Variants in TMEM68 observed in about 807,000 individuals in gnomAD.
TMEM68 encodes transmembrane protein 68, also known as DGAT1/2-independent enzyme synthesizing storage lipids.
A neutral mutation model predicts 36.9 loss-of-function variants in TMEM68; 25 were observed. That is an observed-to-expected ratio of 0.68 (90% CI 0.49 to 0.95). TMEM68 has a LOEUF of 0.95. Among genes scored for constraint, TMEM68 ranks in the 40% least tolerant of loss-of-function variants. The pLI is 0.00. For missense variants in TMEM68, 333 were observed against 392.0 expected (o/e 0.85, Z 1.27); for synonymous variants, 131 against 124.4 (o/e 1.05, Z -0.35).
intron 1 of TMEM68, among the ~76,000 whole-genome samples, chr8:55,767,851 C>A (rs142225216): frequency 6.6e-6 from 1 of 152,036 alleles, no homozygotes; most frequent in African/African-American, 2.4e-5. Flanking sequence ...GCAGGAGAAT[C>A]GCTTGGACCT....
intron 3 of TMEM68, chr8:55,761,165 G>A (rs11787041): frequency 0.86 from 131,550 of 152,222 alleles, 56,979 homozygotes; most frequent in East Asian, 0.99. Context: ...GTCACTCTTA[G>A]AGCAGATGTG....
intron 5 of TMEM68, among the ~76,000 whole-genome samples, chr8:55,749,235 T>G (rs2129937361): frequency 6.6e-6 from 1 of 152,352 alleles, no homozygotes; most frequent in South Asian, 2.1e-4. Context: ...GGGTGATTTG[T>G]ATTATATCAA....
rs1183468050 is a variant in TMEM68, at chr8:55,754,704, A to G, written c.493+1540T>C. On this transcript the variant is annotated intron_variant, in intron 4 of 7. Coordinates refer to ENST00000434581, the MANE Select transcript of TMEM68 (RefSeq NM_001286657.2). ...AATATATATTATATATGAAATACAT[A>G]CTTATATATATATTATATATAAAAT... 4.7e-5 allele frequency among the ~76,000 whole-genome samples: 6 copies of G among 126,762 alleles called. 2 individuals carry two copies. The highest frequency in any genetic ancestry group is 1.8e-4 in the African/African-American group (6 of 32,792). 83.2% of individuals were successfully genotyped at this position (126,762 alleles called of 152,430 possible).
At chr8:55,770,807 T>C (rs1456771703) in intron 1 of TMEM68, among the ~76,000 whole-genome samples, 1 of 152,178 alleles carries the variant, frequency 6.6e-6, no homozygotes, top group East Asian at 1.9e-4. Context: ...GTCTAATGCA[T>C]CACATATAAA....
intron 5 of TMEM68, among the ~76,000 whole-genome samples, chr8:55,750,521 T>C (rs911255722): frequency 6.7e-6 from 1 of 148,616 alleles, no homozygotes; most frequent in African/African-American, 2.5e-5. Context: ...AAGAACAAAA[T>C]GACATTCAAA....
intron 2 of TMEM68, chr8:55,763,443 C>G (rs1810866724): frequency 6.6e-6 from 1 of 152,450 alleles, no homozygotes; most frequent in African/African-American, 2.4e-5. Flanking sequence ...GGCTGGAGTA[C>G]AGTGGCACGA....
intron 3 of TMEM68, among the ~76,000 whole-genome samples, chr8:55,759,388 T>C (rs1585725624): frequency 6.6e-6 from 1 of 151,612 alleles, no homozygotes; most frequent in East Asian, 1.9e-4. Flanking sequence ...CTGGCCAACA[T>C]GGTGAAACCC....
At chr8:55,762,476 A>G in intron 3 of TMEM68, 159 bp downstream of exon 3, 1 of 1,371,398 alleles carries the variant, frequency 7.3e-7, no homozygotes. Flanking sequence ...AGAAAGACAC[A>G]TACATATGCA....
intron 7 of TMEM68, among the ~76,000 whole-genome samples, chr8:55,742,815 T>G (rs1412822771): frequency 6.6e-6 from 1 of 150,816 alleles, no homozygotes; most frequent in African/African-American, 2.4e-5. Context: ...GTTTTTTTTT[T>G]TTTGTAGTTT....
At chr8:55,756,210 C>G in intron 4 of TMEM68, 34 bp downstream of exon 4, 3 of 1,566,938 alleles carry the variant, frequency 1.9e-6, no homozygotes, top group Non-Finnish European at 2.6e-6. Context: ...GTTAATAAAA[C>G]ATTTTTACAT....
rs116074997 is a variant in TMEM68, at chr8:55,756,181, G to A, written c.493+63C>T. On this transcript the variant is annotated intron_variant, in intron 4 of 7. Coordinates refer to ENST00000434581, the MANE Select transcript of TMEM68 (RefSeq NM_001286657.2). ...ACGTTAGAGAGCTCAGGATAGAGAC[G>A]ACCACATAACTTGGTTTTGTTAATA... 2,723 of 1,450,908 alleles carry A rather than the reference G, an allele frequency of 1.9e-3. 54 individuals carry two copies. The African/African-American group carries it at 0.035, about 19-fold the overall frequency. The allele number at this position is 1,450,908 out of a possible 1,614,324, so 89.9% of individuals were successfully genotyped here.
intron 4 of TMEM68, among the ~76,000 whole-genome samples, chr8:55,752,413 C>A (rs1810448195): frequency 6.6e-6 from 1 of 151,836 alleles, no homozygotes; most frequent in South Asian, 2.1e-4. Context: ...ATGGCAAAAC[C>A]CCATCTCTAC....
At chr8:55,752,525 T>C (rs1585715587) in intron 4 of TMEM68, among the ~76,000 whole-genome samples, 1 of 151,744 alleles carries the variant, frequency 6.6e-6, no homozygotes, top group South Asian at 2.1e-4. Context: ...GAGGCGGAGG[T>C]TGCAGTGAGC....
In TMEM68 at chr8:55,739,718, A is replaced by G. The variant is rs1258399250; in HGVS notation, c.*414T>C. The G allele has an allele frequency of 6.4e-6, 1 of 155,166 alleles. No homozygotes were observed. The highest frequency in any genetic ancestry group is 1.4e-5 in the Non-Finnish European group (1 of 70,128). The allele number at this position is 155,166 out of a possible 1,614,324, so 9.6% of individuals were successfully genotyped here. On this transcript the variant is annotated 3_prime_UTR_variant, in exon 8 of 8. Transcript: ENST00000434581. ...TCATGAAGGGAATGAGGGGCAGACA[A>G]CAGCATGTTTTTTCTAACTTAAACA...
chr8:55,752,569 C>T (rs1207970929), intron 4 of TMEM68, among the ~76,000 whole-genome samples: 1 of 152,100 alleles, frequency 6.6e-6, no homozygotes, highest in Non-Finnish European at 1.5e-5. Flanking sequence ...ACCTGGGCAA[C>T]AGAGCAAGAC....
intron 7 of TMEM68, among the ~76,000 whole-genome samples, chr8:55,741,396 G>T (rs1195903484): frequency 6.6e-6 from 1 of 152,150 alleles, no homozygotes; most frequent in Non-Finnish European, 1.5e-5. Context: ...TGTGTATTAA[G>T]TGTATCTCTA....
chr8:55,763,047 C>A lies in TMEM68; in HGVS notation c.-69-19G>T. 2 of 1,361,012 alleles carry A rather than the reference C, an allele frequency of 1.5e-6. No homozygotes were observed. The highest frequency in any genetic ancestry group is 2.0e-6 in the Non-Finnish European group (2 of 1,017,138). The allele number at this position is 1,361,012 out of a possible 1,614,324, so 84.3% of individuals were successfully genotyped here. A position where few individuals can be genotyped will look rare whatever the true frequency, so the allele number is the denominator to read the frequency against. ...TTTGACACTAGAAGGGAAAAATAAT[C>A]CAGTATTATTTTCTCCACAGCTATA... On this transcript the variant is annotated intron_variant, in intron 2 of 7. Coordinates refer to ENST00000434581, the MANE Select transcript of TMEM68 (RefSeq NM_001286657.2).
intron 5 of TMEM68, chr8:55,746,727 C>G (rs1810289932): frequency 6.6e-6 from 1 of 152,070 alleles, no homozygotes; most frequent in African/African-American, 2.4e-5. Flanking sequence ...ATACAGTGGA[C>G]TAAAGGAAAG....
chr8:55,753,731 T>C (rs1810485971), intron 4 of TMEM68, among the ~76,000 whole-genome samples: 1 of 152,226 alleles, frequency 6.6e-6, no homozygotes, highest in Non-Finnish European at 1.5e-5. Context: ...TTAATCTCAA[T>C]GAGTTTACTC....
Sources: allele counts gnomAD v4.1 joint callset (sites outside exome capture counted in the v4.1 genomes callset), GRCh38; gene constraint gnomAD v4.1.1; transcripts MANE v1.5; gene names NCBI Gene and HGNC (gene_info 2026-07-23, HGNC 2026-07-21).